The following SHISA9 variants were observed in gnomAD, a reference collection of about 807,000 sequenced individuals.
SHISA9 encodes shisa family member 9, also known as protein shisa-9.
A neutral mutation model predicts 38.0 loss-of-function variants in SHISA9; 13 were observed. That is an observed-to-expected ratio of 0.34 (90% CI 0.22 to 0.54). The LOEUF (loss-of-function observed/expected upper bound fraction) is 0.54. SHISA9 is among the 20% of genes least tolerant of loss of function. The probability of loss-of-function intolerance (pLI) is 0.91; values close to 1 mark genes in which losing one functional copy is unlikely to be tolerated. For missense variants in SHISA9, 538 were observed against 575.8 expected (o/e 0.93, Z 0.67); for synonymous variants, 275 against 242.0 (o/e 1.14, Z -1.27).
chr16:13,312,977 C>T, the SHISA9 span, among the ~76,000 whole-genome samples: 2 of 151,962 alleles, frequency 1.3e-5, no homozygotes, highest in African/African-American at 2.4e-5. Context: ...AAACCCAGGC[C>T]GGGCGCGGTG....
At chr16:13,286,637 G>A in the SHISA9 span, among the ~76,000 whole-genome samples, 3 of 152,172 alleles carry the variant, frequency 2.0e-5, no homozygotes, top group Non-Finnish European at 4.4e-5. Context: ...ATATATCGGA[G>A]AGCTTTGATG....
At chr16:13,305,431 A>G in the SHISA9 span, among the ~76,000 whole-genome samples, 1 of 152,224 alleles carries the variant, frequency 6.6e-6, no homozygotes, top group African/African-American at 2.4e-5. Flanking sequence ...TTTAATAAAC[A>G]TAATGCAGGA....
intron 2 of SHISA9, among the ~76,000 whole-genome samples, chr16:13,134,883 T>C (rs1265063430): frequency 6.6e-6 from 1 of 152,106 alleles, no homozygotes; most frequent in Non-Finnish European, 1.5e-5. Flanking sequence ...AGCCACCCCT[T>C]CAGCCACCTG....
At chr16:12,997,514 C>T (rs2072472905) in intron 2 of SHISA9, among the ~76,000 whole-genome samples, 1 of 150,636 alleles carries the variant, frequency 6.6e-6, no homozygotes, top group Non-Finnish European at 1.5e-5. Context: ...TCAAGCAATT[C>T]TCCCACCTTA....
chr16:13,507,570 C>T, the SHISA9 span, among the ~76,000 whole-genome samples: 2 of 152,082 alleles, frequency 1.3e-5, no homozygotes, highest in Non-Finnish European at 2.9e-5. Flanking sequence ...AGAAGGAACC[C>T]AGGTGATTCC....
intron 2 of SHISA9, among the ~76,000 whole-genome samples, chr16:13,147,394 C>G (rs1013325180): frequency 1.3e-5 from 2 of 149,446 alleles, no homozygotes; most frequent in Admixed American, 1.3e-4. Flanking sequence ...AACTTTAAGG[C>G]TAGGGATTTT....
At chr16:13,250,814 C>T in the SHISA9 span, among the ~76,000 whole-genome samples, 1 of 152,296 alleles carries the variant, frequency 6.6e-6, no homozygotes, top group South Asian at 2.1e-4. Context: ...GCAGCTGCTG[C>T]AGATGGTGAG....
At position 12,902,480 on chromosome 16, in the gene SHISA9, A is replaced by G. The variant is rs1227020894; in HGVS notation, c.416A>G (p.Asp139Gly). ...ACCGGCAAGCCCCCCGCCCGCAAGGACGACCCCTTGCACGACCCCACCAAG... is the reference window on the plus strand; with the variant it reads ...ACCGGCAAGCCCCCCGCCCGCAAGGGCGACCCCTTGCACGACCCCACCAAG... The part of the protein sequence containing the change: ...LNTGKPPARK[D>G]DPLHDPTKDK... Residue 139 changes from aspartate to glycine, a missense_variant, in exon 1 of 5, where the codon GAC (aspartate) becomes GGC (glycine). Asp to Gly is a moderately conservative substitution (Grantham distance 94). This residue lies in a region of SHISA9 where 88 missense variants were observed against 109.7 expected (regional missense o/e 0.80). Transcript: ENST00000558583. 1.3e-6 allele frequency: 2 copies of G among 1,551,390 alleles called. No homozygotes were observed. The highest frequency in any genetic ancestry group is 1.7e-6 in the Non-Finnish European group (2 of 1,146,928).
chr16:13,097,140 G>T (rs1249310929), intron 2 of SHISA9, among the ~76,000 whole-genome samples: 1 of 152,178 alleles, frequency 6.6e-6, no homozygotes, highest in Non-Finnish European at 1.5e-5. Flanking sequence ...AATACTAAAT[G>T]GGTGAATGAG....
the SHISA9 span, among the ~76,000 whole-genome samples, chr16:13,247,772 C>G: frequency 5.3e-5 from 8 of 152,090 alleles, no homozygotes; most frequent in African/African-American, 1.7e-4. Flanking sequence ...TGAATTTTTC[C>G]TTTTTGCAAG....
At chr16:13,458,904 G>C in the SHISA9 span, among the ~76,000 whole-genome samples, 1 of 150,672 alleles carries the variant, frequency 6.6e-6, no homozygotes, top group Non-Finnish European at 1.5e-5. Flanking sequence ...TTTCGCTCTT[G>C]TTTCCCAGGC....
At chr16:13,272,839 T>C in the SHISA9 span, among the ~76,000 whole-genome samples, 72 of 152,314 alleles carry the variant, frequency 4.7e-4, 1 homozygote, top group East Asian at 0.011. Flanking sequence ...CATCCCATTG[T>C]TTACCATCAG....
At chr16:13,240,823 A>G (rs1037821563), downstream of SHISA9, among the ~76,000 whole-genome samples, 2 of 151,716 alleles carry the variant, frequency 1.3e-5, no homozygotes, top group Non-Finnish European at 1.5e-5. Context: ...ATTAAATTTT[A>G]TTTCCTGTCT....
At chr16:13,160,006 A>T (rs2050581395) in intron 2 of SHISA9, among the ~76,000 whole-genome samples, 1 of 152,260 alleles carries the variant, frequency 6.6e-6, no homozygotes, top group South Asian at 2.1e-4. Flanking sequence ...GCGAAAATAA[A>T]CAAGAAATAA....
chr16:13,174,006 G>A lies in SHISA9; in HGVS notation c.692-29388G>A, dbSNP rs1381062901. Among the ~76,000 whole-genome samples, 3 of 152,076 alleles carry A rather than the reference G, an allele frequency of 2.0e-5. No individual in the cohort carries two copies. The East Asian group carries it at 5.8e-4, about 29-fold the overall frequency. On this transcript the variant is annotated intron_variant, in intron 2 of 4. Coordinates refer to ENST00000558583, the MANE Select transcript of SHISA9 (RefSeq NM_001145204.3). ...CCTGGCAGATTCCACAGTCTGGGAC[G>A]TGCTGGGGCCTTAAAAAGTCATATC...
intron 2 of SHISA9, among the ~76,000 whole-genome samples, chr16:12,948,109 A>G (rs1378208210): frequency 1.3e-5 from 2 of 152,196 alleles, no homozygotes; most frequent in Non-Finnish European, 2.9e-5. Flanking sequence ...TTTGTGTTTA[A>G]GGTGCTTAGT....
the SHISA9 span, among the ~76,000 whole-genome samples, chr16:13,258,181 C>A: frequency 6.6e-6 from 1 of 152,118 alleles, no homozygotes; most frequent in Non-Finnish European, 1.5e-5. Flanking sequence ...GGTTTGATTA[C>A]CTTGAATAGT....
chr16:13,172,384 A>T (rs1567234767), intron 2 of SHISA9, among the ~76,000 whole-genome samples: 1 of 152,228 alleles, frequency 6.6e-6, no homozygotes, highest in African/African-American at 2.4e-5. Flanking sequence ...TTAGGAATAG[A>T]TACTAAATAA....
intron 2 of SHISA9, among the ~76,000 whole-genome samples, chr16:13,170,547 C>G (rs1174042522): frequency 6.6e-6 from 1 of 152,208 alleles, no homozygotes; most frequent in Non-Finnish European, 1.5e-5. Flanking sequence ...GGCTTAATAC[C>G]TAGGTGATGG....
Sources: gnomAD v4.1 joint callset for allele counts (sites outside exome capture counted in the v4.1 genomes callset) on GRCh38, gnomAD v4.1.1 for gene constraint, gnomAD v4.1.1 regional missense constraint, MANE v1.5 for transcripts, NCBI Gene and HGNC (gene_info 2026-07-23, HGNC 2026-07-21) for gene names.